Variants in SGCG observed in about 807,000 individuals in gnomAD.
SGCG encodes sarcoglycan gamma, also known as gamma-sarcoglycan.
Under a neutral mutation model 29.3 loss-of-function variants are expected in SGCG, and 26 were observed. The observed-to-expected ratio is 0.89, with a 90% CI of 0.65 to 1.23. The LOEUF (loss-of-function observed/expected upper bound fraction) is 1.23. Ranked by LOEUF, SGCG falls within the 50% of genes most tolerant of loss-of-function variation. SGCG has a pLI of 0.00. For synonymous variants in SGCG, 145 were observed against 129.7 expected (o/e 1.12, Z -0.80); for missense variants, 353 against 356.0 (o/e 0.99, Z 0.07).
intron 3 of SGCG, among the ~76,000 whole-genome samples, chr13:23,248,313 G>A (rs1879801182): frequency 6.6e-6 from 1 of 152,152 alleles, no homozygotes; most frequent in Admixed American, 6.5e-5. Context: ...TAACATGCAG[G>A]AGAGAACCTT....
At chr13:23,316,523 G>A (rs990632861) in intron 6 of SGCG, among the ~76,000 whole-genome samples, 13 of 152,178 alleles carry the variant, frequency 8.5e-5, no homozygotes, top group African/African-American at 3.1e-4. Flanking sequence ...GTGCCAACTA[G>A]GTGACAATAC....
chr13:23,214,633 C>T (rs1215180211), intron 2 of SGCG, among the ~76,000 whole-genome samples: 2 of 152,164 alleles, frequency 1.3e-5, no homozygotes, highest in Non-Finnish European at 2.9e-5. Flanking sequence ...CCCTGCTGTT[C>T]TCCTCCATCC....
intron 2 of SGCG, among the ~76,000 whole-genome samples, chr13:23,231,329 CTTT>C (rs57796934): frequency 0.47 from 68,207 of 145,350 alleles, 15,874 homozygotes; most frequent in East Asian, 0.68. Context: ...CCCTCTTTCT[CTTT>C]TTTTTTTTTT....
chr13:23,185,471 T>G (rs951133664), intron 1 of SGCG, among the ~76,000 whole-genome samples: 13 of 152,224 alleles, frequency 8.5e-5, no homozygotes, highest in Non-Finnish European at 1.5e-4. Context: ...ATTACAGGCG[T>G]GAGCCACTGC....
chr13:23,254,023 A>G (rs1410947676), intron 4 of SGCG, among the ~76,000 whole-genome samples: 1 of 152,186 alleles, frequency 6.6e-6, no homozygotes, highest in African/African-American at 2.4e-5. Flanking sequence ...TTTATAAATT[A>G]CCCATCCTCA....
At chr13:23,235,228 G>T (rs74754407) in intron 3 of SGCG, among the ~76,000 whole-genome samples, 1 of 151,910 alleles carries the variant, frequency 6.6e-6, no homozygotes, top group African/African-American at 2.4e-5. Context: ...GCATGGTGGC[G>T]TATGCCTGTA....
intron 1 of SGCG, among the ~76,000 whole-genome samples, chr13:23,195,759 A>T (rs973328233): frequency 6.6e-6 from 1 of 152,050 alleles, no homozygotes; most frequent in Non-Finnish European, 1.5e-5. Flanking sequence ...GATAATTATG[A>T]TCCATCTATT....
At chr13:23,270,165 G>T (rs1415461753) in intron 4 of SGCG, among the ~76,000 whole-genome samples, 2 of 152,148 alleles carry the variant, frequency 1.3e-5, no homozygotes, top group Non-Finnish European at 2.9e-5. Flanking sequence ...TGAGCCACGT[G>T]CCCGGCTGTA....
chr13:23,177,737 AT>A (rs35899289), upstream of SGCG, among the ~76,000 whole-genome samples: 70,892 of 148,308 alleles, frequency 0.48, 16,967 homozygotes, highest in African/African-American at 0.54. Flanking sequence ...ATGTCCGGCT[AT>A]TTTTTTTTTT....
intron 2 of SGCG, among the ~76,000 whole-genome samples, chr13:23,230,156 C>T (rs1443841875): frequency 6.6e-6 from 1 of 152,120 alleles, no homozygotes; most frequent in Non-Finnish European, 1.5e-5. Flanking sequence ...GTTTTTGTAC[C>T]AGTACTGTGC....
intron 4 of SGCG, among the ~76,000 whole-genome samples, chr13:23,262,456 A>ATAT (rs1235809986): frequency 2.0e-5 from 3 of 152,014 alleles, no homozygotes; most frequent in Admixed American, 6.6e-5. Flanking sequence ...AAGAAGCTAT[A>ATAT]ACAATCCTCA....
intron 5 of SGCG, among the ~76,000 whole-genome samples, chr13:23,289,844 A>G (rs1349255567): frequency 6.6e-6 from 1 of 152,222 alleles, no homozygotes; most frequent in Non-Finnish European, 1.5e-5. Context: ...ATTGTTTTGA[A>G]CAGGGTACTC....
At chr13:23,241,783 T>G (rs1165150271) in intron 3 of SGCG, among the ~76,000 whole-genome samples, 1 of 152,088 alleles carries the variant, frequency 6.6e-6, no homozygotes, top group East Asian at 1.9e-4. Context: ...AGTCAACATA[T>G]GCAAAACAAT....
intron 5 of SGCG, among the ~76,000 whole-genome samples, chr13:23,284,684 G>A (rs900752230): frequency 2.6e-5 from 4 of 152,142 alleles, no homozygotes; most frequent in Non-Finnish European, 4.4e-5. Flanking sequence ...AGGAGAAGAG[G>A]CATTCTGGTT....
At chr13:23,280,031 CTT>C (rs1476984162) in intron 5 of SGCG, among the ~76,000 whole-genome samples, 2 of 151,976 alleles carry the variant, frequency 1.3e-5, no homozygotes, top group Non-Finnish European at 2.9e-5. Flanking sequence ...CCCTGCCACC[CTT>C]TGTCTTTTTC....
chr13:23,269,350 G>C (rs1880767785), intron 4 of SGCG, among the ~76,000 whole-genome samples: 1 of 152,192 alleles, frequency 6.6e-6, no homozygotes, highest in Admixed American at 6.5e-5. Flanking sequence ...CTATTTTGGA[G>C]GGTGTGTGCT....
At chr13:23,177,966 G>T (rs73168620), upstream of SGCG, among the ~76,000 whole-genome samples, 19,723 of 152,028 alleles carry the variant, frequency 0.13, 1,395 homozygotes, top group African/African-American at 0.17. Context: ...AGGCACCCAA[G>T]GGCATTGTCA....
intron 1 of SGCG, among the ~76,000 whole-genome samples, chr13:23,181,280 A>G (rs1013069778): frequency 8.5e-5 from 13 of 152,204 alleles, no homozygotes; most frequent in African/African-American, 2.7e-4. Context: ...TTCTGACTAC[A>G]AATATGCTAC....
intron 2 of SGCG, among the ~76,000 whole-genome samples, chr13:23,208,898 G>C (rs1008595347): frequency 1.3e-5 from 2 of 151,814 alleles, no homozygotes; most frequent in African/African-American, 4.8e-5. Context: ...AATATACATG[G>C]GTCATATCTG....
Sources: gnomAD v4.1 joint callset for allele counts (sites outside exome capture counted in the v4.1 genomes callset) on GRCh38, gnomAD v4.1.1 for gene constraint, MANE v1.5 for transcripts, NCBI Gene and HGNC (gene_info 2026-07-23, HGNC 2026-07-21) for gene names.